The following PTPRK variants were observed in gnomAD, a reference collection of about 807,000 sequenced individuals.
PTPRK encodes the protein protein tyrosine phosphatase receptor type K.
PTPRK carries 75 observed loss-of-function variants against 178.0 expected under a neutral mutation model. The ratio of observed to expected loss-of-function variants is 0.42; its 90% confidence interval spans 0.35 to 0.51. PTPRK has a LOEUF of 0.51. PTPRK is among the 20% of genes least tolerant of loss of function. The probability of loss-of-function intolerance (pLI) is 0.02; values close to 1 mark genes in which losing one functional copy is unlikely to be tolerated. For missense variants in PTPRK, 1,441 were observed against 1,797.8 expected, an observed-to-expected ratio of 0.80 and a Z score of 3.59; for synonymous variants, 637 against 620.6, an observed-to-expected ratio of 1.03 and a Z score of -0.39.
chr6:128,392,954 G>A (rs1022792582), intron 2 of PTPRK, among the ~76,000 whole-genome samples: 1 of 151,954 alleles, frequency 6.6e-6, no homozygotes, highest in African/African-American at 2.4e-5. Flanking sequence ...TTTCTAACAA[G>A]AGGAAAAACA....
chr6:128,064,411 A>G (rs1781394126), intron 13 of PTPRK, among the ~76,000 whole-genome samples: 3 of 152,240 alleles, frequency 2.0e-5, no homozygotes, highest in Admixed American at 2.0e-4. Flanking sequence ...TACAATGGAA[A>G]GTAATAGAGG....
chr6:128,291,617 A>C (rs1823396219), intron 3 of PTPRK, among the ~76,000 whole-genome samples: 1 of 152,136 alleles, frequency 6.6e-6, no homozygotes, highest in South Asian at 2.1e-4. Flanking sequence ...CAGCTCTTAC[A>C]GCACAGTGAT....
chr6:128,276,847 A>G lies in PTPRK; in HGVS notation c.496-34245T>C, dbSNP rs571550743. 9.2e-5 allele frequency among the ~76,000 whole-genome samples: 14 copies of G among 152,286 alleles called. No homozygotes were observed. The South Asian group carries it at 2.9e-3, about 32-fold the overall frequency. On this transcript the variant is annotated intron_variant, in intron 3 of 29. Transcript: ENST00000368226. ...AGTATACAGCATAAAATTACTCAAC[A>G]GTGGCATTTAAATTTTTTTCCATGT...
At chr6:127,997,741 T>G (rs1431852251) in intron 16 of PTPRK, among the ~76,000 whole-genome samples, 1 of 152,068 alleles carries the variant, frequency 6.6e-6, no homozygotes, top group East Asian at 1.9e-4. Flanking sequence ...TCTAATTCCT[T>G]GTACTTATTT....
At chr6:128,375,236 A>G (rs573571620) in intron 2 of PTPRK, among the ~76,000 whole-genome samples, 14 of 151,932 alleles carry the variant, frequency 9.2e-5, no homozygotes, top group Non-Finnish European at 1.9e-4. Flanking sequence ...TGCTGCTGAT[A>G]AAGACATACC....
rs142149405 is a variant in PTPRK at position 128,056,676 on chromosome 6, G to A, written c.2194+8082C>T. On this transcript the variant is annotated intron_variant, in intron 13 of 29. Transcript: ENST00000368226. ...CCTGACCTTGTGATACACCTGCCTCGGCCTCCCAAAGTGCTGGGATTACAG... is the reference window on the plus strand; with the variant it reads ...CCTGACCTTGTGATACACCTGCCTCAGCCTCCCAAAGTGCTGGGATTACAG... 4.8e-3 allele frequency among the ~76,000 whole-genome samples: 727 copies of A among 151,988 alleles called. 6 individuals are homozygous for A. The highest frequency in any genetic ancestry group is 0.011 in the Admixed American group (166 of 15,264).
chr6:127,974,941 A>G (rs925087397), intron 27 of PTPRK, among the ~76,000 whole-genome samples: 1 of 152,228 alleles, frequency 6.6e-6, no homozygotes, highest in Non-Finnish European at 1.5e-5. Flanking sequence ...TATGTAATAT[A>G]TGAGTAAATC....
At chr6:128,067,451 G>T in intron 12 of PTPRK, 68 bp downstream of exon 12, 1 of 1,398,550 alleles carries the variant, frequency 7.2e-7, no homozygotes, top group Non-Finnish European at 9.6e-7. Context: ...ATGCTACTGA[G>T]TATTCATAAA....
At chr6:128,476,458 G>A (rs1851384731) in intron 1 of PTPRK, among the ~76,000 whole-genome samples, 1 of 152,004 alleles carries the variant, frequency 6.6e-6, no homozygotes, top group Admixed American at 6.6e-5. Context: ...TTCAGAATGT[G>A]TTGTGTGCTA....
At chr6:128,360,806 A>C (rs943893128) in intron 2 of PTPRK, among the ~76,000 whole-genome samples, 1 of 152,062 alleles carries the variant, frequency 6.6e-6, no homozygotes, top group Non-Finnish European at 1.5e-5. Context: ...TACAACCAAA[A>C]CTAGCCTTAG....
intron 7 of PTPRK, among the ~76,000 whole-genome samples, chr6:128,119,998 T>A (rs1359271819): frequency 6.6e-6 from 1 of 151,948 alleles, no homozygotes; most frequent in East Asian, 1.9e-4. Flanking sequence ...TCTCAGTGTT[T>A]CAGGAAGAAG....
intron 2 of PTPRK, among the ~76,000 whole-genome samples, chr6:128,347,603 A>T (rs1003875559): frequency 6.6e-6 from 1 of 152,122 alleles, no homozygotes; most frequent in African/African-American, 2.4e-5. Context: ...CCATGTGAGT[A>T]TGTGTATGAG....
Position 128,212,679 on chromosome 6 carries a change from G to A in PTPRK, c.868+6243C>T, listed in dbSNP as rs142903825. ...TTGATCCTTTTCAAATTCTTAAGAC[G>A]AAAGCTTCATCAAAAGCAAACCCCC... On this transcript the variant is annotated intron_variant, in intron 6 of 29. Transcript: ENST00000368226. Among the ~76,000 whole-genome samples, 1,484 of 151,964 alleles carry A rather than the reference G, an allele frequency of 9.8e-3. 10 individuals carry two copies. The highest frequency in any genetic ancestry group is 0.02 in the Middle Eastern group (6 of 294).
Position 128,141,258 on chromosome 6 carries a change from C to T in PTPRK, c.1162+43174G>A, listed in dbSNP as rs997976826. Among the ~76,000 whole-genome samples the T allele has an allele frequency of 3.3e-5, 5 of 151,818 alleles. No homozygotes were observed. The East Asian group carries it at 7.7e-4, about 23-fold the overall frequency. ...TATTCTGCTATAGTAATACAAATTT[C>T]CTTAAAGGTCAGGGGAACAGTCTTG... On this transcript the variant is annotated intron_variant, in intron 7 of 29. Transcript: ENST00000368226.
chr6:128,410,963 C>T (rs1193049626), intron 1 of PTPRK, among the ~76,000 whole-genome samples: 1 of 152,208 alleles, frequency 6.6e-6, no homozygotes, highest in East Asian at 1.9e-4. Flanking sequence ...ACGATCTTGG[C>T]TCACTGCAGC....
intron 2 of PTPRK, among the ~76,000 whole-genome samples, chr6:128,381,843 G>A (rs879290368): frequency 6.6e-6 from 1 of 151,994 alleles, no homozygotes; most frequent in African/African-American, 2.4e-5. Flanking sequence ...TTTGTAAAAC[G>A]GAAGTTTAGA....
At chr6:128,194,916 A>G (rs9375551) in intron 6 of PTPRK, among the ~76,000 whole-genome samples, 11,205 of 152,132 alleles carry the variant, frequency 0.074, 857 homozygotes, top group East Asian at 0.34. Context: ...ATTAAGACAC[A>G]ATGGCTGAAT....
intron 13 of PTPRK, among the ~76,000 whole-genome samples, chr6:128,047,714 C>T (rs1011810377): frequency 2.0e-5 from 3 of 152,102 alleles, no homozygotes; most frequent in Non-Finnish European, 4.4e-5. Flanking sequence ...AACCTTTACA[C>T]TACATATTGG....
At chr6:128,198,660 A>T (rs1438991535) in intron 6 of PTPRK, among the ~76,000 whole-genome samples, 1 of 152,136 alleles carries the variant, frequency 6.6e-6, no homozygotes, top group Non-Finnish European at 1.5e-5. Context: ...TACTTCCTAG[A>T]GTGTCTTTTT....
Sources: gnomAD v4.1 joint callset for allele counts (sites outside exome capture counted in the v4.1 genomes callset) on GRCh38, gnomAD v4.1.1 for gene constraint, MANE v1.5 for transcripts, NCBI Gene and HGNC (gene_info 2026-07-23, HGNC 2026-07-21) for gene names.